Variants in GALNT1 observed in about 807,000 individuals in gnomAD.
GALNT1 encodes polypeptide N-acetylgalactosaminyltransferase 1, also known as GalNAc transferase 1.
In GALNT1, 17 loss-of-function variants were observed where a neutral mutation model predicts 65.7. That is an observed-to-expected ratio of 0.26 (90% CI 0.18 to 0.39). The LOEUF is 0.39. Among genes scored for constraint, GALNT1 ranks in the 10% least tolerant of loss-of-function variants. GALNT1 has a pLI of 1.00. For missense variants in GALNT1, 460 were observed against 672.8 expected (o/e 0.68, Z 3.50); for synonymous variants, 210 against 219.7 (o/e 0.96, Z 0.39).
intron 3 of GALNT1, among the ~76,000 whole-genome samples, chr18:35,670,935 T>TAG (rs2047625432): frequency 6.6e-6 from 1 of 152,204 alleles, no homozygotes; most frequent in Admixed American, 6.5e-5. Context: ...AAACTGAAAC[T>TAG]GCATCTTTAC....
chr18:35,696,182 T>A (rs1399109103), intron 9 of GALNT1, among the ~76,000 whole-genome samples: 1 of 152,190 alleles, frequency 6.6e-6, no homozygotes, highest in African/African-American at 2.4e-5. Context: ...AAAGTGTCAT[T>A]TCTAGATTGG....
chr18:35,679,823 A>G (rs2047762396), intron 4 of GALNT1, among the ~76,000 whole-genome samples: 1 of 152,194 alleles, frequency 6.6e-6, no homozygotes, highest in South Asian at 2.1e-4. Context: ...AAACCAGAGC[A>G]AGCTGTTTGC....
At chr18:35,684,436 G>T (rs2144613513) in intron 5 of GALNT1, among the ~76,000 whole-genome samples, 1 of 152,266 alleles carries the variant, frequency 6.6e-6, no homozygotes, top group East Asian at 1.9e-4. Context: ...AGAGAACATT[G>T]CCCTGAAGAA....
intron 1 of GALNT1, among the ~76,000 whole-genome samples, chr18:35,594,923 G>C (rs1183221904): frequency 2.0e-5 from 3 of 152,178 alleles, no homozygotes; most frequent in East Asian, 3.8e-4. Flanking sequence ...GAGGCCAATG[G>C]GGACTATAAG....
intron 10 of GALNT1, among the ~76,000 whole-genome samples, 184 bp from the exon 11 acceptor site, chr18:35,703,325 G>A (rs1167249802): frequency 1.3e-5 from 2 of 152,128 alleles, no homozygotes; most frequent in Non-Finnish European, 2.9e-5. Flanking sequence ...GCAAGAAAAT[G>A]AGTAACATAA....
chr18:35,587,641 T>C (rs2046393054), intron 1 of GALNT1, among the ~76,000 whole-genome samples: 1 of 152,232 alleles, frequency 6.6e-6, no homozygotes, highest in South Asian at 2.1e-4. Flanking sequence ...TATGGTGCAT[T>C]GTATTGATTT....
intron 1 of GALNT1, among the ~76,000 whole-genome samples, chr18:35,608,029 G>A (rs1339894391): frequency 6.6e-6 from 1 of 151,756 alleles, no homozygotes; most frequent in Non-Finnish European, 1.5e-5. Context: ...TAGGGATTTG[G>A]GGGAATTACC....
chr18:35,666,902 CT>C (rs2047556617), intron 3 of GALNT1, among the ~76,000 whole-genome samples: 1 of 151,712 alleles, frequency 6.6e-6, no homozygotes, highest in African/African-American at 2.4e-5. Context: ...ACTGAGTAGC[CT>C]TTTTATATCT....
chr18:35,616,559 A>G (rs2046786008), intron 1 of GALNT1, among the ~76,000 whole-genome samples: 1 of 152,160 alleles, frequency 6.6e-6, no homozygotes, highest in Admixed American at 6.5e-5. Flanking sequence ...AATGAGAAGT[A>G]CTAAGGCTTG....
intron 2 of GALNT1, 137 bp downstream of exon 2, chr18:35,654,938 ATTGATAGT>A: frequency 9.2e-6 from 5 of 541,778 alleles, no homozygotes; most frequent in Non-Finnish European, 1.4e-5. Flanking sequence ...TGAGGATCAT[ATTGATAGT>A]TCTCCAATGG....
chr18:35,628,537 A>AAAGGAC (rs1325606947), intron 1 of GALNT1, among the ~76,000 whole-genome samples: 3 of 152,230 alleles, frequency 2.0e-5, no homozygotes, highest in African/African-American at 7.2e-5. Flanking sequence ...TAACAAACAG[A>AAAGGAC]AAGGACAACC....
At chr18:35,616,143 T>C (rs984358243) in intron 1 of GALNT1, among the ~76,000 whole-genome samples, 5 of 152,196 alleles carry the variant, frequency 3.3e-5, no homozygotes, top group Admixed American at 2.0e-4. Context: ...ATTTAAAAGG[T>C]AGCAGAAGAA....
chr18:35,698,877 GGAGGCT>G, intron 9 of GALNT1, among the ~76,000 whole-genome samples: 1 of 152,150 alleles, frequency 6.6e-6, no homozygotes, highest in East Asian at 1.9e-4. Flanking sequence ...CAGCTACTTG[GGAGGCT>G]GAGGCAGAGA....
In GALNT1 at chr18:35,622,739, C is replaced by T. The variant is rs190707250; in HGVS notation, c.-103-31821C>T. On this transcript the variant is annotated intron_variant, in intron 1 of 11. Transcript: ENST00000269195. The stretch of plus-strand genomic sequence containing the variant: ...TTTTTTTTTCCTTCTTGTTGTACTG[C>T]GCTAGATAGGTTCTCTAGTACATTG... Among the ~76,000 whole-genome samples, 228 of 151,832 alleles carry T rather than the reference C, an allele frequency of 1.5e-3. 8 individuals carry two copies. In the South Asian group the frequency reaches 0.043, roughly 29 times the overall value.
chr18:35,710,057 G>GA lies in GALNT1; in HGVS notation c.*295dup, dbSNP rs1040003199. Reference sequence around the variant, plus strand: ...TCATGGTAAAGAATACTGAGACAATGAAAAAAAATCAACAAAATATGCTTT... The same window carrying GA: ...TCATGGTAAAGAATACTGAGACAATGAAAAAAAAATCAACAAAATATGCTTT... On this transcript the variant is annotated 3_prime_UTR_variant, in exon 12 of 12. Transcript: ENST00000269195. 17 of 292,814 alleles carry GA rather than the reference G, an allele frequency of 5.8e-5. No homozygotes were observed. The highest frequency in any genetic ancestry group is 1.0e-3 in the Middle Eastern group (1 of 958). The allele number at this position is 292,814 out of a possible 1,614,324, so 18.1% of individuals were successfully genotyped here.
At chr18:35,624,428 C>T (rs898331911) in intron 1 of GALNT1, among the ~76,000 whole-genome samples, 1 of 152,184 alleles carries the variant, frequency 6.6e-6, no homozygotes, top group Non-Finnish European at 1.5e-5. Flanking sequence ...CATGCTTTCA[C>T]TTTCAGCTTT....
intron 1 of GALNT1, among the ~76,000 whole-genome samples, chr18:35,643,546 G>A (rs532787113): frequency 1.2e-4 from 18 of 152,116 alleles, no homozygotes; most frequent in Non-Finnish European, 1.8e-4. Flanking sequence ...GGCAGATCAC[G>A]AGGTCAGGAG....
intron 1 of GALNT1, among the ~76,000 whole-genome samples, chr18:35,647,954 G>C (rs12959052): frequency 0.095 from 14,385 of 151,850 alleles, 761 homozygotes; most frequent in Admixed American, 0.17. Flanking sequence ...GGCCGTGGTG[G>C]GTGGATCACT....
intron 2 of GALNT1, among the ~76,000 whole-genome samples, chr18:35,662,599 T>C (rs887824742): frequency 8.0e-5 from 12 of 150,368 alleles, no homozygotes; most frequent in African/African-American, 2.7e-4. Context: ...TCTGCTGCCT[T>C]GATGCCACTA....
Sources: allele counts gnomAD v4.1 joint callset (sites outside exome capture counted in the v4.1 genomes callset), GRCh38; gene constraint gnomAD v4.1.1; transcripts MANE v1.5; gene names NCBI Gene and HGNC (gene_info 2026-07-23, HGNC 2026-07-21).